The following REPS2 variants were observed in gnomAD, a reference collection of about 807,000 sequenced individuals.
The protein encoded by REPS2 is RALBP1 associated Eps domain containing 2, also known as ralBP1-associated Eps domain-containing protein 2.
REPS2 carries 23 observed loss-of-function variants against 53.6 expected under a neutral mutation model. The ratio of observed to expected loss-of-function variants is 0.43; its 90% CI spans 0.31 to 0.61. The LOEUF is 0.61. REPS2 is among the 20% of genes least tolerant of loss of function. The pLI, the probability that REPS2 is intolerant of heterozygous loss-of-function variation, is 0.11. For missense variants in REPS2, 446 were observed against 534.9 expected, an observed-to-expected ratio of 0.83 and a Z score of 1.64; for synonymous variants, 238 against 218.6, an observed-to-expected ratio of 1.09 and a Z score of -0.78.
At chrX:17,060,126 C>T (rs1270581287) in intron 8 of REPS2, among the ~76,000 whole-genome samples, 1 of 109,495 alleles carries the variant, frequency 9.1e-6, no homozygotes, top group Non-Finnish European at 1.9e-5. Context: ...CATGGTGAAA[C>T]CCTGTCTCCA....
At chrX:17,128,305 A>G (rs2063242934) in intron 14 of REPS2, among the ~76,000 whole-genome samples, 1 of 109,968 alleles carries the variant, frequency 9.1e-6, no homozygotes, top group African/African-American at 3.3e-5. Flanking sequence ...CCACACAGGC[A>G]GGATTCTGGT....
chrX:17,140,251 T>C (rs1209266199), intron 17 of REPS2, among the ~76,000 whole-genome samples: 2 of 110,350 alleles, frequency 1.8e-5, no homozygotes, highest in African/African-American at 6.6e-5. Context: ...AATATTATTA[T>C]TTTTTTTTCA....
chrX:17,007,067 C>A (rs1375635268), intron 2 of REPS2, among the ~76,000 whole-genome samples: 1 of 112,313 alleles, frequency 8.9e-6, no homozygotes, highest in Non-Finnish European at 1.9e-5. Flanking sequence ...AGATTACTTT[C>A]ATATGTCCAT....
intron 1 of REPS2, among the ~76,000 whole-genome samples, chrX:16,954,612 G>T (rs771326499): frequency 4.5e-5 from 5 of 110,608 alleles, no homozygotes; most frequent in Non-Finnish European, 9.4e-5. Flanking sequence ...AGATAGACGT[G>T]CTTGAGAACT....
the REPS2 span, among the ~76,000 whole-genome samples, chrX:17,171,434 G>A: frequency 1.8e-4 from 20 of 112,158 alleles, no homozygotes; most frequent in African/African-American, 6.2e-4. Flanking sequence ...ATTGAAATGG[G>A]CAAAATGTGT....
chrX:17,029,167 TTAGGGGGGATATA>T (rs1261368806), intron 4 of REPS2, among the ~76,000 whole-genome samples: 2 of 111,880 alleles, frequency 1.8e-5, no homozygotes, highest in Non-Finnish European at 3.8e-5. Flanking sequence ...AGACATTTAC[TTAGGGGGGATATA>T]TAGAATTTAC....
At chrX:17,132,866 C>T (rs2063312854) in intron 14 of REPS2, among the ~76,000 whole-genome samples, 1 of 112,264 alleles carries the variant, frequency 8.9e-6, no homozygotes, top group Non-Finnish European at 1.9e-5. Flanking sequence ...TGACATATAC[C>T]CCTTCTCCAT....
chrX:17,146,462 A>G, intron 17 of REPS2, among the ~76,000 whole-genome samples: 1 of 110,468 alleles, frequency 9.1e-6, no homozygotes, highest in Non-Finnish European at 1.9e-5. Flanking sequence ...TTTCTCCCAT[A>G]TCCCCCTCTG....
chrX:17,099,538 T>A (rs2062756034), intron 13 of REPS2, among the ~76,000 whole-genome samples: 1 of 112,003 alleles, frequency 8.9e-6, no homozygotes, highest in South Asian at 3.8e-4. Flanking sequence ...CTCAGCAAAG[T>A]GCAGAAAAGG....
chrX:17,173,731 A>T, the REPS2 span, among the ~76,000 whole-genome samples: 2 of 112,166 alleles, frequency 1.8e-5, no homozygotes, highest in Non-Finnish European at 3.8e-5. Context: ...GTGTTCCAAT[A>T]TATTTTTGTC....
intron 1 of REPS2, 56 bp downstream of exon 1, chrX:16,947,190 G>A: frequency 1.0e-6 from 1 of 964,352 alleles, no homozygotes; most frequent in South Asian, 3.8e-5. Flanking sequence ...GTGCGGGGGC[G>A]GAGGTTGCGA....
chrX:17,053,530 CAG>C (rs1569150633), intron 7 of REPS2, among the ~76,000 whole-genome samples: 1 of 110,953 alleles, frequency 9.0e-6, no homozygotes. Flanking sequence ...TTTCTAGAGA[CAG>C]GGTCTTGCTA....
At chrX:17,087,356 G>A (rs61183611) in intron 13 of REPS2, among the ~76,000 whole-genome samples, 4,921 of 111,701 alleles carry the variant, frequency 0.044, 264 homozygotes, top group African/African-American at 0.15. Context: ...CAGTACTGTG[G>A]CCTGGAGTGC....
intron 14 of REPS2, among the ~76,000 whole-genome samples, chrX:17,105,997 C>A (rs1345400048): frequency 3.6e-5 from 4 of 111,821 alleles, no homozygotes. Context: ...TGCCCCTCTA[C>A]CCCTCTGGGA....
chrX:17,096,277 A>G (rs2062696014), intron 13 of REPS2, among the ~76,000 whole-genome samples: 1 of 111,751 alleles, frequency 8.9e-6, no homozygotes. Context: ...ACAGGTTGCT[A>G]AGCACACTAG....
the REPS2 span, among the ~76,000 whole-genome samples, chrX:17,182,896 G>A: frequency 8.9e-6 from 1 of 112,105 alleles, no homozygotes; most frequent in Non-Finnish European, 1.9e-5. Context: ...CATCAAACAA[G>A]TAGTAAATGG....
intron 13 of REPS2, among the ~76,000 whole-genome samples, chrX:17,085,875 C>T (rs937623858): frequency 1.8e-5 from 2 of 111,636 alleles, no homozygotes; most frequent in African/African-American, 6.5e-5. Context: ...GAGCACAATA[C>T]CTTTGTCATA....
At chrX:17,124,370 T>C (rs1193256313) in intron 14 of REPS2, among the ~76,000 whole-genome samples, 1 of 112,098 alleles carries the variant, frequency 8.9e-6, no homozygotes, top group African/African-American at 3.2e-5. Flanking sequence ...TTACCATTCG[T>C]TTATCATGTT....
chrX:17,191,235 A>G, the REPS2 span, among the ~76,000 whole-genome samples: 1 of 112,282 alleles, frequency 8.9e-6, no homozygotes, highest in Non-Finnish European at 1.9e-5. Context: ...TCCCAAATAT[A>G]CAAAGAACTC....
Sources: gnomAD v4.1 joint callset for allele counts (sites outside exome capture counted in the v4.1 genomes callset) on GRCh38, gnomAD v4.1.1 for gene constraint, MANE v1.5 for transcripts, NCBI Gene and HGNC (gene_info 2026-07-23, HGNC 2026-07-21) for gene names.